Variants in KAT2B observed in about 807,000 individuals in gnomAD.
KAT2B encodes the protein histone acetyltransferase KAT2B.
In KAT2B, 36 loss-of-function variants were observed where a neutral mutation model predicts 105.9. The observed-to-expected ratio is 0.34, with a 90% CI of 0.26 to 0.45. The LOEUF (loss-of-function observed/expected upper bound fraction) is 0.45. KAT2B is among the 20% of genes least tolerant of loss of function. The probability of loss-of-function intolerance (pLI) is 1.00; values close to 1 mark genes in which losing one functional copy is unlikely to be tolerated. For synonymous variants in KAT2B, 397 were observed against 377.9 expected (o/e 1.05, Z -0.59); for missense variants, 820 against 1,021.6 (o/e 0.80, Z 2.69).
chr3:20,153,543 TGTCA>T lies in KAT2B; in HGVS notation c.*1021_*1024del, dbSNP rs1382508536. The T allele has an allele frequency of 1.3e-5, 2 of 152,636 alleles. No homozygotes were observed. The highest frequency in any genetic ancestry group is 6.5e-5 in the Admixed American group (1 of 15,288). The allele number at this position is 152,636 out of a possible 1,614,324, so 9.5% of individuals were successfully genotyped here. A position where few individuals can be genotyped will look rare whatever the true frequency, so the allele number is the denominator to read the frequency against. ...AAATTAAATTCCCACCAGGGTTTGC[TGTCA>T]GTATTTTAACACCCACATTAGTATA... On this transcript the variant is annotated 3_prime_UTR_variant, in exon 18 of 18. Coordinates refer to ENST00000263754, the MANE Select transcript of KAT2B (RefSeq NM_003884.5).
At chr3:20,096,779 C>T (rs1698818725) in intron 3 of KAT2B, among the ~76,000 whole-genome samples, 1 of 152,058 alleles carries the variant, frequency 6.6e-6, no homozygotes, top group South Asian at 2.1e-4. Context: ...TTTGTCTGAA[C>T]TTATTTGATT....
At chr3:20,082,178 A>G (rs549485662) in intron 2 of KAT2B, among the ~76,000 whole-genome samples, 6 of 151,924 alleles carry the variant, frequency 3.9e-5, no homozygotes, top group Non-Finnish European at 7.4e-5. Context: ...GGGATTACAG[A>G]TGCCTGCCAC....
chr3:20,040,526 G>C lies in KAT2B; in HGVS notation c.49G>C (p.Gly17Arg), dbSNP rs1165755641. 3.9e-6 allele frequency: 4 copies of C among 1,024,520 alleles called. No homozygotes were observed. Among genetic ancestry groups the C allele is most frequent in the Non-Finnish European group, 4.7e-6 (4 of 856,254 alleles). The allele number at this position is 1,024,520 out of a possible 1,614,324, so 63.5% of individuals were successfully genotyped here. A position where few individuals can be genotyped will look rare whatever the true frequency, so the allele number is the denominator to read the frequency against. Residue 17 changes from glycine (G) to arginine (R), a missense_variant, in exon 1 of 18, where the codon GGG (glycine) becomes CGG (arginine). Gly to Arg is a moderately radical substitution (Grantham distance 125, BLOSUM62 -2). This residue lies in a region of KAT2B where 190 missense variants were observed against 176.7 expected (regional missense o/e 1.08). Transcript: ENST00000263754. ...GCCGGGCGGCTGCGGGGCAGGAGCC[G>C]GGGCAGGGGCCGGGCCCGGGGCGCT... is the stretch of plus-strand genomic sequence containing the variant. ...AGPGGCGAGA[G>R]AGAGPGALPP...
chr3:20,073,198 A>G (rs939658436), intron 2 of KAT2B, among the ~76,000 whole-genome samples: 3 of 152,216 alleles, frequency 2.0e-5, no homozygotes, highest in Non-Finnish European at 4.4e-5. Context: ...CAGTCCACGA[A>G]GAATCTTAGA....
intron 17 of KAT2B, 159 bp downstream of exon 17, chr3:20,148,646 A>G (rs1699818139): frequency 5.2e-6 from 3 of 581,220 alleles, no homozygotes; most frequent in Non-Finnish European, 6.0e-6. Context: ...GTGATGGCAG[A>G]GAAGTGGGTG....
Position 20,152,593 on chromosome 3 carries a change from T to C in KAT2B, c.*68T>C. ...GCCTAAAGCAAGGTGGTTTAGTTTT[T>C]TACAAAGAATTGGACATGATGTATT... is the stretch of plus-strand genomic sequence containing the variant. On this transcript the variant is annotated 3_prime_UTR_variant, in exon 18 of 18. Coordinates refer to ENST00000263754, the MANE Select transcript of KAT2B (RefSeq NM_003884.5). 3 of 1,279,120 alleles carry C rather than the reference T, an allele frequency of 2.3e-6. No individual in the cohort carries two copies. Among genetic ancestry groups the C allele is most frequent in the Non-Finnish European group, 3.3e-6 (3 of 905,088 alleles). 79.2% of individuals were successfully genotyped at this position (1,279,120 alleles called of 1,614,324 possible).
At chr3:20,078,043 A>G (rs567915903) in intron 2 of KAT2B, among the ~76,000 whole-genome samples, 10 of 152,154 alleles carry the variant, frequency 6.6e-5, no homozygotes, top group African/African-American at 2.4e-4. Context: ...GTGTGGTGGC[A>G]TGTGCCTTTT....
chr3:20,084,473 G>C (rs1384684815), intron 2 of KAT2B, among the ~76,000 whole-genome samples: 5 of 152,058 alleles, frequency 3.3e-5, no homozygotes, highest in Non-Finnish European at 7.4e-5. Flanking sequence ...GGAAACTGTT[G>C]CTGCTTTATT....
intron 17 of KAT2B, among the ~76,000 whole-genome samples, chr3:20,151,904 A>G (rs909969260): frequency 6.6e-6 from 1 of 152,190 alleles, no homozygotes; most frequent in Non-Finnish European, 1.5e-5. Context: ...TTAGTGAAAC[A>G]AATGCAGTCT....
intron 17 of KAT2B, chr3:20,149,146 C>T (rs986111465): frequency 6.6e-6 from 1 of 152,086 alleles, no homozygotes; most frequent in Non-Finnish European, 1.5e-5. Context: ...CATTTGAGGT[C>T]GCTCAAATTA....
intron 5 of KAT2B, among the ~76,000 whole-genome samples, chr3:20,107,003 ATATATATATATAT>A (rs1699026134): frequency 1.4e-4 from 3 of 21,764 alleles, no homozygotes; most frequent in South Asian, 2.5e-3. Context: ...ATATATATAT[ATATATATATATAT>A]TTTTTTTTTT....
chr3:20,118,645 C>T (rs1354008532), intron 7 of KAT2B, among the ~76,000 whole-genome samples: 1 of 146,830 alleles, frequency 6.8e-6, no homozygotes. Context: ...ATAGCTTGAA[C>T]CGGGGAGGCA....
At chr3:20,132,818 A>T (rs1699533750) in intron 11 of KAT2B, among the ~76,000 whole-genome samples, 1 of 152,236 alleles carries the variant, frequency 6.6e-6, no homozygotes, top group Non-Finnish European at 1.5e-5. Context: ...GTTCTTGAGT[A>T]AAATTAATTG....
intron 1 of KAT2B, among the ~76,000 whole-genome samples, chr3:20,057,511 C>T (rs1698021693): frequency 6.6e-6 from 1 of 152,220 alleles, no homozygotes; most frequent in Admixed American, 6.5e-5. Flanking sequence ...AGCTGGTTGT[C>T]TGAACTGCTC....
intron 8 of KAT2B, among the ~76,000 whole-genome samples, chr3:20,122,277 A>G (rs909534086): frequency 6.6e-6 from 1 of 152,214 alleles, no homozygotes; most frequent in Non-Finnish European, 1.5e-5. Context: ...ATTTTAGGTC[A>G]TAAGGTAAAA....
At chr3:20,106,973 A>ATATG (rs1699019030) in intron 5 of KAT2B, among the ~76,000 whole-genome samples, 1 of 12,332 alleles carries the variant, frequency 8.1e-5, no homozygotes, top group Non-Finnish European at 1.2e-4. Context: ...ATATATATAT[A>ATATG]TATATGTATA....
chr3:20,145,405 G>T (rs1254274932), intron 13 of KAT2B, among the ~76,000 whole-genome samples: 2 of 152,104 alleles, frequency 1.3e-5, no homozygotes, highest in African/African-American at 4.8e-5. Context: ...TATTCATGCT[G>T]CAGTATTTAC....
intron 11 of KAT2B, among the ~76,000 whole-genome samples, chr3:20,132,245 A>C (rs917541773): frequency 6.6e-6 from 1 of 152,090 alleles, no homozygotes; most frequent in Non-Finnish European, 1.5e-5. Context: ...GTGGTGGTGC[A>C]TGCCTGTAAT....
At chr3:20,081,011 T>C (rs1698510052) in intron 2 of KAT2B, among the ~76,000 whole-genome samples, 1 of 152,180 alleles carries the variant, frequency 6.6e-6, no homozygotes, top group African/African-American at 2.4e-5. Flanking sequence ...AGGCTTCTCT[T>C]TTTTTTCATT....
Sources: gnomAD v4.1 joint callset for allele counts (sites outside exome capture counted in the v4.1 genomes callset) on GRCh38, gnomAD v4.1.1 for gene constraint, gnomAD v4.1.1 regional missense constraint, MANE v1.5 for transcripts, NCBI Gene and HGNC (gene_info 2026-07-23, HGNC 2026-07-21) for gene names.